MMRN1: variants seen among roughly 807,000 people sequenced by gnomAD.
The protein encoded by MMRN1 is multimerin-1.
A neutral mutation model predicts 100.7 loss-of-function variants in MMRN1; 94 were observed. That is an observed-to-expected ratio of 0.93 (90% CI 0.79 to 1.11). The LOEUF is 1.11. Among genes scored for constraint, MMRN1 ranks in the 50% least tolerant of loss-of-function variants. The probability of loss-of-function intolerance (pLI) is 0.00; values close to 1 mark genes in which losing one functional copy is unlikely to be tolerated. For missense variants in MMRN1, 1,606 were observed against 1,439.1 expected (o/e 1.12, Z -1.88); for synonymous variants, 575 against 505.0 (o/e 1.14, Z -1.86).
At chr4:89,942,986 A>T (rs1347426053) in intron 6 of MMRN1, among the ~76,000 whole-genome samples, 1 of 152,118 alleles carries the variant, frequency 6.6e-6, no homozygotes, top group Non-Finnish European at 1.5e-5. Flanking sequence ...TTTGAGAGGT[A>T]TTGGCATGAA....
chr4:89,918,781 C>T (rs1721998904), intron 3 of MMRN1, among the ~76,000 whole-genome samples: 2 of 151,786 alleles, frequency 1.3e-5, no homozygotes, highest in Non-Finnish European at 1.5e-5. Context: ...GCACAGGCTT[C>T]ACCTATGTAA....
chr4:89,926,245 C>T (rs933860625), intron 4 of MMRN1, among the ~76,000 whole-genome samples: 1 of 152,168 alleles, frequency 6.6e-6, no homozygotes, highest in African/African-American at 2.4e-5. Context: ...TTCCTACCAA[C>T]AGGGTATGGG....
Position 89,927,939 on chromosome 4 carries a change from A to T in MMRN1, c.1100A>T (p.Lys367Ile). ...SSLEGKVSED[K>I]SREFQSLLKG... is the part of the protein sequence containing the mutation. ...CTAGAAGGAAAAGTCAGCGAAGATA[A>T]AAGCAGAGAATTTCAATCTCTTCTA... The change falls in exon 5 of 8, where the codon AAA (lysine) becomes ATA (isoleucine). Residue 367 changes from lysine (K) to isoleucine (I), a missense_variant. Physicochemically the swap from Lys to Ile is moderately radical, Grantham distance 102 (BLOSUM62 -3). Coordinates refer to ENST00000264790, the MANE Select transcript of MMRN1 (RefSeq NM_007351.3). 1 of 1,601,818 alleles carries T rather than the reference A, an allele frequency of 6.2e-7. No individual in the cohort carries two copies. Among genetic ancestry groups the T allele is most frequent in the Non-Finnish European group, 8.5e-7 (1 of 1,175,454 alleles).
intron 1 of MMRN1, among the ~76,000 whole-genome samples, chr4:89,907,153 T>C (rs1410033556): frequency 6.6e-6 from 1 of 151,526 alleles, no homozygotes; most frequent in Non-Finnish European, 1.5e-5. Flanking sequence ...AAGATCCCTT[T>C]ATTGTGGTCC....
At chr4:89,884,359 CA>C (rs990618072) in intron 1 of MMRN1, among the ~76,000 whole-genome samples, 3 of 151,872 alleles carry the variant, frequency 2.0e-5, no homozygotes, top group Non-Finnish European at 4.4e-5. Context: ...TCGGGTGTTT[CA>C]AAAAATTTTT....
chr4:89,910,816 C>T (rs1426054864), intron 2 of MMRN1, among the ~76,000 whole-genome samples: 5 of 151,378 alleles, frequency 3.3e-5, no homozygotes, highest in Non-Finnish European at 7.4e-5. Context: ...ACTCGGTTAC[C>T]TGTCATGTTA....
At chr4:89,903,366 T>TC (rs1158896802) in intron 1 of MMRN1, among the ~76,000 whole-genome samples, 1 of 151,736 alleles carries the variant, frequency 6.6e-6, no homozygotes, top group South Asian at 2.1e-4. Context: ...TTTTTTTTTT[T>TC]CCTGAGAGGC....
chr4:89,902,754 C>A (rs1721433164), intron 1 of MMRN1, among the ~76,000 whole-genome samples: 2 of 151,926 alleles, frequency 1.3e-5, no homozygotes, highest in Admixed American at 1.3e-4. Context: ...TTCTTAAAGT[C>A]TAAATTAACC....
intron 1 of MMRN1, among the ~76,000 whole-genome samples, chr4:89,885,815 A>G (rs958682085): frequency 3.3e-5 from 5 of 151,980 alleles, no homozygotes; most frequent in African/African-American, 9.7e-5. Context: ...TCAATTAATC[A>G]TATTAATTTT....
At chr4:89,941,500 T>A (rs552248004) in intron 6 of MMRN1, among the ~76,000 whole-genome samples, 81 of 152,244 alleles carry the variant, frequency 5.3e-4, no homozygotes, top group South Asian at 5.0e-3. Flanking sequence ...TACAAGCCCA[T>A]CAGATACTCA....
chr4:89,940,636 T>A (rs532665149), intron 6 of MMRN1, among the ~76,000 whole-genome samples: 1 of 152,230 alleles, frequency 6.6e-6, no homozygotes, highest in East Asian at 1.9e-4. Flanking sequence ...TTGTAATAAG[T>A]CATTTATTTT....
chr4:89,895,043 G>C lies in MMRN1; in HGVS notation c.72G>C (p.Lys24Asn), dbSNP rs550198498. ...GGGGCATTGGGCTTAACAACAGTAA[G>C]CATTCTTGGACTATACCTGAGGATG... is the stretch of plus-strand genomic sequence containing the variant. ...WSGGIGLNNS[K>N]HSWTIPEDGN... Residue 24 changes from lysine (K) to asparagine (N), a missense_variant, in exon 1 of 8, where the codon AAG (lysine) becomes AAC (asparagine). Coordinates refer to ENST00000264790, the MANE Select transcript of MMRN1 (RefSeq NM_007351.3). 5.0e-6 allele frequency: 8 copies of C among 1,613,700 alleles called. No individual in the cohort carries two copies. Among genetic ancestry groups the C allele is most frequent in the Non-Finnish European group, 6.8e-6 (8 of 1,179,854 alleles).
At chr4:89,920,367 T>C (rs544711904) in intron 3 of MMRN1, among the ~76,000 whole-genome samples, 16 of 152,174 alleles carry the variant, frequency 1.1e-4, no homozygotes, top group Non-Finnish European at 2.4e-4. Flanking sequence ...AAAATTGTCA[T>C]TGGGCTGTAG....
Position 89,924,964 on chromosome 4 carries a change from T to C in MMRN1, c.955+1692T>C, listed in dbSNP as rs192287131. The stretch of plus-strand genomic sequence containing the variant: ...TACACAATGTGTAATAATCACATAA[T>C]GGAGAATGAGGTATCCATCCCCTCA... On this transcript the variant is annotated intron_variant, in intron 4 of 7. Transcript: ENST00000264790. Among the ~76,000 whole-genome samples the C allele has an allele frequency of 2.0e-3, 303 of 152,280 alleles. 1 individual carries two copies. The highest frequency in any genetic ancestry group is 6.7e-3 in the African/African-American group (277 of 41,554).
At chr4:89,921,033 G>A (rs543180202) in intron 3 of MMRN1, among the ~76,000 whole-genome samples, 1 of 152,088 alleles carries the variant, frequency 6.6e-6, no homozygotes, top group Non-Finnish European at 1.5e-5. Context: ...AAGGAAATTC[G>A]AATAGTAATC....
chr4:89,938,242 C>T (rs944800312), intron 6 of MMRN1, among the ~76,000 whole-genome samples: 6 of 151,326 alleles, frequency 4.0e-5, no homozygotes, highest in Non-Finnish European at 1.5e-5. Context: ...CCTAATAGAA[C>T]TAATTTTACT....
At chr4:89,896,764 A>G (rs1041878388) in intron 1 of MMRN1, among the ~76,000 whole-genome samples, 11 of 152,196 alleles carry the variant, frequency 7.2e-5, no homozygotes, top group African/African-American at 2.4e-4. Context: ...AATTCTAGCC[A>G]ATGAATTTAC....
At chr4:89,925,235 C>A (rs1722210894) in intron 4 of MMRN1, among the ~76,000 whole-genome samples, 1 of 150,472 alleles carries the variant, frequency 6.6e-6, no homozygotes, top group Admixed American at 6.6e-5. Flanking sequence ...CTCCAGAGCT[C>A]AACCAATCCT....
chr4:89,885,318 A>G (rs537447600), intron 1 of MMRN1, among the ~76,000 whole-genome samples: 1 of 152,196 alleles, frequency 6.6e-6, no homozygotes, highest in East Asian at 1.9e-4. Context: ...CTTTTTACAC[A>G]ATGCTATCAT....
Sources: allele counts gnomAD v4.1 joint callset (sites outside exome capture counted in the v4.1 genomes callset), GRCh38; gene constraint gnomAD v4.1.1; transcripts MANE v1.5; gene names NCBI Gene and HGNC (gene_info 2026-07-23, HGNC 2026-07-21).